TTC27: variants seen among roughly 807,000 people sequenced by gnomAD.
TTC27 encodes tetratricopeptide repeat domain 27, also known as tetratricopeptide repeat protein 27.
A neutral mutation model predicts 115.9 loss-of-function variants in TTC27; 79 were observed. The observed-to-expected ratio is 0.68, with a 90% confidence interval of 0.57 to 0.82. The LOEUF is 0.82. Among genes scored for constraint, TTC27 ranks in the 40% least tolerant of loss-of-function variants. The pLI, the probability that TTC27 is intolerant of heterozygous loss-of-function variation, is 0.00. For synonymous variants in TTC27, 401 were observed against 356.0 expected (o/e 1.13, Z -1.42); for missense variants, 1,054 against 993.1 (o/e 1.06, Z -0.82).
At chr2:32,706,957 T>C (rs1667394591) in intron 10 of TTC27, among the ~76,000 whole-genome samples, 1 of 152,194 alleles carries the variant, frequency 6.6e-6, no homozygotes, top group South Asian at 2.1e-4. Flanking sequence ...GGTGACTAAG[T>C]TGTGAACAGT....
At chr2:32,758,146 ACCTGTGT>A in intron 12 of TTC27, 139 bp from the exon 13 acceptor site, 1 of 708,146 alleles carries the variant, frequency 1.4e-6, no homozygotes, top group Non-Finnish European at 2.3e-6. Flanking sequence ...CTCTTACTCA[ACCTGTGT>A]CCTTGATAGG....
Position 32,647,765 on chromosome 2 carries a change from G to T in TTC27, c.538-2366G>T, listed in dbSNP as rs1357794499. 2.0e-5 allele frequency among the ~76,000 whole-genome samples: 3 copies of T among 152,100 alleles called. No individual in the cohort carries two copies. The East Asian group carries it at 5.8e-4, about 29-fold the overall frequency. ...AGGCAGGAGGATGGCTTGAGTCCAG[G>T]AGTTCAAAGCTGCAGTGTGCTATGA... On this transcript the variant is annotated intron_variant, in intron 4 of 19. Coordinates refer to ENST00000317907, the MANE Select transcript of TTC27 (RefSeq NM_017735.5).
rs186677038 is a variant in TTC27 at position 32,639,034 on chromosome 2, G to A, written c.397-1236G>A. Among the ~76,000 whole-genome samples the A allele has an allele frequency of 2.5e-3, 377 of 151,924 alleles. 3 individuals are homozygous for A. The highest frequency in any genetic ancestry group is 0.016 in the East Asian group (81 of 5,106). ...GTTTTAATAGAGACAGGGTTTCACC[G>A]TGTTAGCCAGGATGGTCTTGATCTC... is the stretch of plus-strand genomic sequence containing the variant. On this transcript the variant is annotated intron_variant, in intron 3 of 19. Coordinates refer to ENST00000317907, the MANE Select transcript of TTC27 (RefSeq NM_017735.5).
intron 1 of TTC27, among the ~76,000 whole-genome samples, chr2:32,628,708 A>C (rs1275205202): frequency 6.6e-6 from 1 of 151,914 alleles, no homozygotes; most frequent in East Asian, 1.9e-4. Context: ...AAGATCTGTA[A>C]ATACAGTTGG....
At chr2:32,767,680 C>T (rs1199773399) in intron 13 of TTC27, among the ~76,000 whole-genome samples, 1 of 151,530 alleles carries the variant, frequency 6.6e-6, no homozygotes. Flanking sequence ...CCAGGATGGT[C>T]TCGATCTCCT....
At position 32,736,931 on chromosome 2, in the gene TTC27, C is replaced by A. The variant is rs1182710316; in HGVS notation, c.1452+115C>A. The stretch of plus-strand genomic sequence containing the variant: ...CAATATTCACTTATATTCCTTTTTT[C>A]ACTTTTTTTCCAGAAAACTTTTAAA... On this transcript the variant is annotated intron_variant, in intron 12 of 19. Transcript: ENST00000317907. 3 of 1,362,448 alleles carry A rather than the reference C, an allele frequency of 2.2e-6. No homozygotes were observed. In the Admixed American group the frequency reaches 9.2e-5, roughly 42 times the overall value. The allele number at this position is 1,362,448 out of a possible 1,614,324, so 84.4% of individuals were successfully genotyped here. A position where few individuals can be genotyped will look rare whatever the true frequency, so the allele number is the denominator to read the frequency against.
chr2:32,751,916 A>G (rs1402951810), intron 12 of TTC27, among the ~76,000 whole-genome samples: 1 of 152,154 alleles, frequency 6.6e-6, no homozygotes, highest in Non-Finnish European at 1.5e-5. Flanking sequence ...CCAAACCTAG[A>G]AATTTTTTTC....
chr2:32,638,488 C>G (rs1375193513), intron 3 of TTC27, among the ~76,000 whole-genome samples: 3 of 152,170 alleles, frequency 2.0e-5, no homozygotes, highest in African/African-American at 7.2e-5. Flanking sequence ...AAGCGATTCT[C>G]CTGCTTCAGC....
At chr2:32,652,663 T>A (rs72858148) in intron 5 of TTC27, among the ~76,000 whole-genome samples, 1,791 of 152,308 alleles carry the variant, frequency 0.012, 30 homozygotes, top group African/African-American at 0.041. Flanking sequence ...ATGGTCCATT[T>A]TGGCTAGGTC....
intron 10 of TTC27, among the ~76,000 whole-genome samples, chr2:32,718,088 C>T (rs1287319747): frequency 1.3e-5 from 2 of 152,098 alleles, no homozygotes; most frequent in Non-Finnish European, 2.9e-5. Flanking sequence ...ATTTCTCTTG[C>T]TGGATTATAT....
At chr2:32,814,677 A>G (rs1572637766) in intron 18 of TTC27, among the ~76,000 whole-genome samples, 2 of 152,178 alleles carry the variant, frequency 1.3e-5, no homozygotes, top group South Asian at 4.1e-4. Context: ...TACCTTCCCA[A>G]TGTTTAGATA....
chr2:32,711,240 T>C (rs1393112940), intron 10 of TTC27, among the ~76,000 whole-genome samples: 1 of 152,118 alleles, frequency 6.6e-6, no homozygotes, highest in Non-Finnish European at 1.5e-5. Context: ...GCCATTCAAA[T>C]GCTGCATTAT....
intron 13 of TTC27, among the ~76,000 whole-genome samples, chr2:32,759,520 G>A (rs780715287): frequency 3.6e-4 from 55 of 152,204 alleles, no homozygotes; most frequent in Non-Finnish European, 6.0e-4. Flanking sequence ...CACTTTGGGA[G>A]GCCAAGGGAT....
At chr2:32,702,014 A>ACAAAAACAAAAAC (rs201450708) in intron 9 of TTC27, among the ~76,000 whole-genome samples, 42 of 121,510 alleles carry the variant, frequency 3.5e-4, no homozygotes, top group African/African-American at 1.2e-3. Context: ...CTGTCTCAAA[A>ACAAAAACAAAAAC]AAAAAAAAAA....
chr2:32,692,411 G>T (rs184437327), intron 9 of TTC27, among the ~76,000 whole-genome samples: 1 of 152,210 alleles, frequency 6.6e-6, no homozygotes, highest in African/African-American at 2.4e-5. Flanking sequence ...GTTGCCGGGG[G>T]CTGGGGGAAG....
At chr2:32,736,669 A>T in intron 11 of TTC27, 25 bp from the exon 12 acceptor site, 1 of 1,613,352 alleles carries the variant, frequency 6.2e-7, no homozygotes, top group Non-Finnish European at 8.5e-7. Context: ...AAGAAGTATT[A>T]ATTATTTTTA....
chr2:32,707,004 C>G (rs545436061), intron 10 of TTC27, among the ~76,000 whole-genome samples: 10 of 152,314 alleles, frequency 6.6e-5, no homozygotes, highest in African/African-American at 1.9e-4. Context: ...ACTTCTGGGT[C>G]ATACCCTTAA....
intron 12 of TTC27, among the ~76,000 whole-genome samples, chr2:32,741,855 C>A (rs1467396336): frequency 6.6e-6 from 1 of 152,164 alleles, no homozygotes. Flanking sequence ...GATACCCCTC[C>A]AACCACTGCC....
chr2:32,698,610 G>A (rs1280829175), intron 9 of TTC27, among the ~76,000 whole-genome samples: 2 of 151,442 alleles, frequency 1.3e-5, no homozygotes, highest in African/African-American at 2.4e-5. Flanking sequence ...CTCCTGAGTA[G>A]CTGGGACTAC....
Sources: gnomAD v4.1 joint callset for allele counts (sites outside exome capture counted in the v4.1 genomes callset) on GRCh38, gnomAD v4.1.1 for gene constraint, MANE v1.5 for transcripts, NCBI Gene and HGNC (gene_info 2026-07-23, HGNC 2026-07-21) for gene names.